EBF2: variants seen among roughly 807,000 people sequenced by gnomAD.
EBF2 encodes transcription factor COE2.
A neutral mutation model predicts 72.8 loss-of-function variants in EBF2; 21 were observed. The ratio of observed to expected loss-of-function variants is 0.29; its 90% CI spans 0.20 to 0.42. The LOEUF (loss-of-function observed/expected upper bound fraction) is 0.42. EBF2 is among the 10% of genes least tolerant of loss of function. EBF2 has a pLI of 1.00. For synonymous variants in EBF2, 299 were observed against 274.2 expected, an observed-to-expected ratio of 1.09 and a Z score of -0.89; for missense variants, 637 against 731.2, an observed-to-expected ratio of 0.87 and a Z score of 1.49.
At chr8:25,891,637 G>T (rs902534562) in intron 7 of EBF2, among the ~76,000 whole-genome samples, 2 of 151,390 alleles carry the variant, frequency 1.3e-5, no homozygotes, top group South Asian at 4.2e-4. Flanking sequence ...GAGTGCAGTG[G>T]CACCATCTTA....
chr8:25,967,472 A>G (rs566119428), intron 6 of EBF2, among the ~76,000 whole-genome samples: 1 of 152,358 alleles, frequency 6.6e-6, no homozygotes, highest in East Asian at 1.9e-4. Flanking sequence ...GAACACTTAC[A>G]TTAGCCTATA....
chr8:25,991,588 G>A (rs571051677), intron 6 of EBF2, among the ~76,000 whole-genome samples: 11 of 152,306 alleles, frequency 7.2e-5, no homozygotes, highest in Admixed American at 1.3e-4. Flanking sequence ...GCTCATGCCT[G>A]TAACCTCAGC....
intron 6 of EBF2, among the ~76,000 whole-genome samples, chr8:25,932,785 A>G (rs983275146): frequency 2.0e-5 from 3 of 152,246 alleles, no homozygotes; most frequent in Non-Finnish European, 2.9e-5. Context: ...ACTGATTAGT[A>G]AAAAGCTCAG....
chr8:25,968,637 C>T (rs2117186303), intron 6 of EBF2, among the ~76,000 whole-genome samples: 1 of 152,332 alleles, frequency 6.6e-6, no homozygotes, highest in Non-Finnish European at 1.5e-5. Context: ...TCTCAGCTCA[C>T]TGCAACCTCC....
chr8:26,009,492 T>C (rs931283202), intron 6 of EBF2, among the ~76,000 whole-genome samples: 1 of 152,216 alleles, frequency 6.6e-6, no homozygotes, highest in Non-Finnish European at 1.5e-5. Flanking sequence ...TAAAATTATT[T>C]TGAATAATTA....
intron 6 of EBF2, among the ~76,000 whole-genome samples, chr8:25,918,255 T>C (rs1220668054): frequency 1.3e-5 from 2 of 152,222 alleles, no homozygotes; most frequent in African/African-American, 2.4e-5. Flanking sequence ...TGTGCATCTA[T>C]GTAATGTTAT....
chr8:25,997,571 C>CAAAAAAA, intron 6 of EBF2, among the ~76,000 whole-genome samples: 1 of 130,194 alleles, frequency 7.7e-6, no homozygotes, highest in Non-Finnish European at 1.6e-5. Flanking sequence ...GATCCTATCT[C>CAAAAAAA]AAAAAAAAAA....
intron 6 of EBF2, among the ~76,000 whole-genome samples, chr8:25,946,888 A>G (rs1803777322): frequency 6.6e-6 from 1 of 152,224 alleles, no homozygotes; most frequent in Non-Finnish European, 1.5e-5. Context: ...TGGTTACTGT[A>G]GTGGAGAGGG....
intron 14 of EBF2, among the ~76,000 whole-genome samples, chr8:25,851,449 C>G (rs1041353257): frequency 6.6e-6 from 1 of 152,038 alleles, no homozygotes; most frequent in Non-Finnish European, 1.5e-5. Flanking sequence ...TAAGGGAAGA[C>G]AAAAGCCAAG....
At chr8:25,863,222 T>G (rs933487386) in intron 10 of EBF2, among the ~76,000 whole-genome samples, 1 of 152,172 alleles carries the variant, frequency 6.6e-6, no homozygotes, top group Non-Finnish European at 1.5e-5. Context: ...CAGTCTCTTA[T>G]GTATATTTAT....
intron 10 of EBF2, among the ~76,000 whole-genome samples, chr8:25,885,122 T>TA (rs1802668287): frequency 6.6e-6 from 1 of 152,096 alleles, no homozygotes. Context: ...TTGAAGACAA[T>TA]ACCTTTGAGT....
Position 25,858,418 on chromosome 8 carries a change from T to G in EBF2, c.1429A>C (p.Asn477His), listed in dbSNP as rs746695218. 38 of 1,614,006 alleles carry G rather than the reference T, an allele frequency of 2.4e-5. No individual in the cohort carries two copies. Among genetic ancestry groups the G allele is most frequent in the Non-Finnish European group, 3.1e-5 (37 of 1,180,022 alleles). Residue 477 changes from asparagine (N) to histidine (H), a missense_variant, in exon 14 of 16, where the codon AAC (asparagine) becomes CAC (histidine). Physicochemically the swap from Asn to His is moderately conservative, Grantham distance 68. Transcript: ENST00000520164. ...PQQSNYSTSS[N>H]SMNGYSNVPM... ...ACATTGCTGTAGCCATTCATACTGT[T>G]GCTGGAGGTACTGTAATTAGACTGT...
intron 10 of EBF2, among the ~76,000 whole-genome samples, chr8:25,879,915 T>A (rs1219080913): frequency 6.6e-6 from 1 of 152,248 alleles, no homozygotes; most frequent in Non-Finnish European, 1.5e-5. Flanking sequence ...GGTGATCTTG[T>A]TGCCTTAATT....
intron 6 of EBF2, among the ~76,000 whole-genome samples, chr8:25,947,955 A>G (rs1024010220): frequency 1.3e-5 from 2 of 152,242 alleles, no homozygotes; most frequent in Non-Finnish European, 2.9e-5. Flanking sequence ...AGCAGAAGAC[A>G]ATGACACACA....
chr8:25,909,207 A>G (rs1047772892), intron 6 of EBF2, among the ~76,000 whole-genome samples: 3 of 152,184 alleles, frequency 2.0e-5, no homozygotes, highest in African/African-American at 4.8e-5. Context: ...TTTGTCATAT[A>G]TATTTCTTGA....
intron 6 of EBF2, among the ~76,000 whole-genome samples, chr8:25,978,234 G>A (rs1198624883): frequency 6.6e-6 from 1 of 152,220 alleles, no homozygotes; most frequent in Non-Finnish European, 1.5e-5. Flanking sequence ...GGATTAAAAA[G>A]CCAGGGAAGC....
chr8:25,871,441 C>T (rs930956373), intron 10 of EBF2, among the ~76,000 whole-genome samples: 7 of 152,188 alleles, frequency 4.6e-5, no homozygotes, highest in African/African-American at 1.4e-4. Context: ...ATGCTTCAAT[C>T]TATAGGCTCT....
intron 6 of EBF2, among the ~76,000 whole-genome samples, chr8:25,915,282 GAA>G (rs201070548): frequency 7.2e-6 from 1 of 139,438 alleles, no homozygotes; most frequent in Admixed American, 7.2e-5. Flanking sequence ...CCAAGCTTTG[GAA>G]AAAAAAAAAA....
chr8:25,921,838 A>AGAACCAGAGCTT (rs1194225854), intron 6 of EBF2, among the ~76,000 whole-genome samples: 1 of 152,206 alleles, frequency 6.6e-6, no homozygotes, highest in Non-Finnish European at 1.5e-5. Flanking sequence ...GTCTCATGGG[A>AGAACCAGAGCTT]GAACCAGAGC....
Sources: allele counts gnomAD v4.1 joint callset (sites outside exome capture counted in the v4.1 genomes callset), GRCh38; gene constraint gnomAD v4.1.1; transcripts MANE v1.5; gene names NCBI Gene and HGNC (gene_info 2026-07-23, HGNC 2026-07-21).